The following HS6ST1 variants were observed in gnomAD, a reference collection of about 807,000 sequenced individuals.
HS6ST1 encodes the protein heparan sulfate 6-O-sulfotransferase 1.
Under a neutral mutation model 25.2 loss-of-function variants are expected in HS6ST1, and 3 were observed. That is an observed-to-expected ratio of 0.12 (90% CI 0.05 to 0.31). The LOEUF is 0.31. Among genes scored for constraint, HS6ST1 ranks in the 10% least tolerant of loss-of-function variants. The probability of loss-of-function intolerance (pLI) is 1.00; values close to 1 mark genes in which losing one functional copy is unlikely to be tolerated. For missense variants in HS6ST1, 310 were observed against 609.6 expected (o/e 0.51, Z 5.18); for synonymous variants, 204 against 275.1 (o/e 0.74, Z 2.56).
chr2:128,315,596 C>G (rs554510596), intron 1 of HS6ST1, among the ~76,000 whole-genome samples: 2 of 152,218 alleles, frequency 1.3e-5, no homozygotes, highest in African/African-American at 2.4e-5. Flanking sequence ...ACCAAGCCCA[C>G]TTAACATGAG....
chr2:128,299,546 A>C (rs1224749945), intron 1 of HS6ST1, among the ~76,000 whole-genome samples: 1 of 152,242 alleles, frequency 6.6e-6, no homozygotes. Flanking sequence ...AGCTGAAGGC[A>C]CATTGAGGCC....
At chr2:128,307,946 G>A (rs1694236661) in intron 1 of HS6ST1, among the ~76,000 whole-genome samples, 1 of 152,198 alleles carries the variant, frequency 6.6e-6, no homozygotes. Context: ...GGACTACCTT[G>A]ATGTTAAGTC....
At chr2:128,279,569 T>C (rs1390947884) in intron 1 of HS6ST1, among the ~76,000 whole-genome samples, 1 of 151,590 alleles carries the variant, frequency 6.6e-6, no homozygotes, top group African/African-American at 2.4e-5. Context: ...GGACCAGGGG[T>C]CCCACCATGA....
At chr2:128,300,719 G>A (rs1013334794) in intron 1 of HS6ST1, among the ~76,000 whole-genome samples, 1 of 152,200 alleles carries the variant, frequency 6.6e-6, no homozygotes, top group Non-Finnish European at 1.5e-5. Context: ...ACTTCTGCCC[G>A]GCAGCATCAC....
Position 128,318,858 on chromosome 2 carries a change from G to C in HS6ST1, c.-295C>G, listed in dbSNP as rs1358485869. On this transcript the variant is annotated 5_prime_UTR_variant, in exon 1 of 2. Coordinates refer to ENST00000259241, the MANE Select transcript of HS6ST1 (RefSeq NM_004807.3). This position sits in a 1 kb window ranked among gnomAD's most constrained non-coding sequence, Gnocchi z 5.7. ...AGCCCGCTCCGCTCCACTCCGCGCCGAGAACGCTCTGCGCCGCCCCGCGCG... is the reference window on the plus strand; with the variant it reads ...AGCCCGCTCCGCTCCACTCCGCGCCCAGAACGCTCTGCGCCGCCCCGCGCG... Among the ~76,000 whole-genome samples the C allele has an allele frequency of 1.4e-5, 2 of 147,458 alleles. No individual in the cohort carries two copies. The highest frequency in any genetic ancestry group is 2.5e-5 in the African/African-American group (1 of 40,798).
chr2:128,309,913 ACAC>A (rs1694262965), intron 1 of HS6ST1, among the ~76,000 whole-genome samples: 2 of 152,234 alleles, frequency 1.3e-5, no homozygotes, highest in African/African-American at 4.8e-5. Flanking sequence ...TAAGACATGG[ACAC>A]AGTCCGTGGC....
chr2:128,308,645 T>C (rs1694246247), intron 1 of HS6ST1, among the ~76,000 whole-genome samples: 1 of 152,116 alleles, frequency 6.6e-6, no homozygotes, highest in Non-Finnish European at 1.5e-5. Flanking sequence ...TTTTGTCAAA[T>C]GGGCACAGTC....
Position 128,268,023 on chromosome 2 carries a change from C to T in HS6ST1, c.*139G>A. The T allele has an allele frequency of 1.5e-6, 1 of 683,796 alleles. No individual in the cohort carries two copies. The highest frequency in any genetic ancestry group is 1.7e-5 in the South Asian group (1 of 57,520). 42.4% of individuals were successfully genotyped at this position (683,796 alleles called of 1,614,324 possible). A position where few individuals can be genotyped will look rare whatever the true frequency, so the allele number is the denominator to read the frequency against. Reference sequence around the variant, plus strand: ...TGCCCAGCCCCACTACATCCCTGCTCTGTTTTTTTTCAGGACGCAGCTACC... The same window carrying T: ...TGCCCAGCCCCACTACATCCCTGCTTTGTTTTTTTTCAGGACGCAGCTACC... On this transcript the variant is annotated 3_prime_UTR_variant, in exon 2 of 2. Coordinates refer to ENST00000259241, the MANE Select transcript of HS6ST1 (RefSeq NM_004807.3).
At chr2:128,283,579 T>C (rs939898638) in intron 1 of HS6ST1, among the ~76,000 whole-genome samples, 1 of 152,198 alleles carries the variant, frequency 6.6e-6, no homozygotes, top group Non-Finnish European at 1.5e-5. Flanking sequence ...CAGTGCCACT[T>C]ACACCTGGAA....
chr2:128,271,781 A>G, intron 1 of HS6ST1, among the ~76,000 whole-genome samples: 1 of 152,146 alleles, frequency 6.6e-6, no homozygotes, highest in East Asian at 1.9e-4. Context: ...GAGGGCCCCG[A>G]TTGACCCGAG....
chr2:128,315,683 A>G (rs1279270319), intron 1 of HS6ST1, among the ~76,000 whole-genome samples: 3 of 152,002 alleles, frequency 2.0e-5, no homozygotes, highest in Non-Finnish European at 4.4e-5. Context: ...GTGCATCCCA[A>G]CCGCCACAGC....
chr2:128,269,632 C>T (rs977104760), intron 1 of HS6ST1, among the ~76,000 whole-genome samples: 5 of 152,140 alleles, frequency 3.3e-5, no homozygotes, highest in Admixed American at 1.3e-4. Context: ...TGGATATGCC[C>T]GGTGTGTGTG....
intron 1 of HS6ST1, among the ~76,000 whole-genome samples, chr2:128,292,373 G>A (rs1693967342): frequency 6.6e-6 from 1 of 152,216 alleles, no homozygotes; most frequent in Non-Finnish European, 1.5e-5. Context: ...TCCACGCCCA[G>A]CTACCCACCC....
At chr2:128,298,153 T>C (rs895225352) in intron 1 of HS6ST1, among the ~76,000 whole-genome samples, 99 of 151,988 alleles carry the variant, frequency 6.5e-4, no homozygotes, top group African/African-American at 2.3e-3. Context: ...CTGGCTATTA[T>C]CAAAAAACAG....
chr2:128,308,423 GGCCA>G (rs1271921511), intron 1 of HS6ST1, among the ~76,000 whole-genome samples: 2 of 152,208 alleles, frequency 1.3e-5, no homozygotes, highest in East Asian at 3.9e-4. Flanking sequence ...CTCTGTGCAG[GGCCA>G]GCATCACGTG....
intron 1 of HS6ST1, among the ~76,000 whole-genome samples, chr2:128,291,528 C>T (rs1291024514): frequency 3.3e-5 from 5 of 152,214 alleles, no homozygotes; most frequent in African/African-American, 9.6e-5. Context: ...GGTGCGTCAG[C>T]GGGAGCAGCT....
intron 1 of HS6ST1, among the ~76,000 whole-genome samples, chr2:128,279,068 A>G (rs747762691): frequency 8.5e-5 from 13 of 152,154 alleles, no homozygotes; most frequent in Non-Finnish European, 1.5e-4. Context: ...GTAGGCTGCA[A>G]AGGGGCCATT....
chr2:128,268,966 G>C (rs1051185312), intron 1 of HS6ST1, 96 bp from the exon 2 acceptor site: 1 of 1,030,656 alleles, frequency 9.7e-7, no homozygotes, highest in Non-Finnish European at 1.5e-6. Context: ...ACAGGAGTTT[G>C]GGCTTCGCCT....
Position 128,289,376 on chromosome 2 carries a change from TG to T in HS6ST1, c.528-20507del, listed in dbSNP as rs1211507796. ...AGCAGGCATTTGCTCATTTTATTCCTGCAACCCCGGTACGGTCGCCACTATT... is the reference window on the plus strand; with the variant it reads ...AGCAGGCATTTGCTCATTTTATTCCTCAACCCCGGTACGGTCGCCACTATT... On this transcript the variant is annotated intron_variant, in intron 1 of 1. Transcript: ENST00000259241. Among the ~76,000 whole-genome samples the T allele has an allele frequency of 6.8e-4, 104 of 152,198 alleles. 1 individual carries two copies. The highest frequency in any genetic ancestry group is 6.7e-3 in the Admixed American group (102 of 15,280).
Sources: gnomAD v4.1 joint callset for allele counts (sites outside exome capture counted in the v4.1 genomes callset) on GRCh38, gnomAD v4.1.1 for gene constraint, Gnocchi (gnomAD v3.1) non-coding constraint, MANE v1.5 for transcripts, NCBI Gene and HGNC (gene_info 2026-07-23, HGNC 2026-07-21) for gene names.